TMEM123: variants seen among roughly 807,000 people sequenced by gnomAD.
TMEM123 encodes the protein porimin.
TMEM123 carries 16 observed loss-of-function variants against 19.7 expected under a neutral mutation model. That is an observed-to-expected ratio of 0.81 (90% CI 0.55 to 1.23). The LOEUF is 1.23. Ranked by LOEUF, TMEM123 falls within the 50% of genes most tolerant of loss-of-function variation. The pLI is 0.00. For synonymous variants in TMEM123, 118 were observed against 99.4 expected (o/e 1.19, Z -1.12); for missense variants, 313 against 257.8 (o/e 1.21, Z -1.47).
chr11:102,419,587 T>A (rs1952069773), intron 2 of TMEM123, among the ~76,000 whole-genome samples: 1 of 152,200 alleles, frequency 6.6e-6, no homozygotes, highest in Non-Finnish European at 1.5e-5. Context: ...TTAAACTACT[T>A]TTAAAAGTCA....
At chr11:102,439,755 G>A (rs1456397498) in intron 2 of TMEM123, among the ~76,000 whole-genome samples, 3 of 152,154 alleles carry the variant, frequency 2.0e-5, no homozygotes, top group East Asian at 1.9e-4. Context: ...AACTTCTCCC[G>A]AGCTAAAGGA....
rs148324154 is a variant in TMEM123 at position 102,398,729 on chromosome 11, CG to C, written c.*137del. On this transcript the variant is annotated 3_prime_UTR_variant, in exon 5 of 5. Coordinates refer to ENST00000398136, the MANE Select transcript of TMEM123 (RefSeq NM_052932.3). ...ACCTTGAAGAATCTTTACATATTTA[CG>C]TAATACACTGTACATTATATGCATG... is the stretch of plus-strand genomic sequence containing the variant. The C allele has an allele frequency of 0.07, 57,378 of 814,044 alleles. 2,401 individuals are homozygous for C. Among genetic ancestry groups the C allele is most frequent in the Middle Eastern group, 0.12 (477 of 4,142 alleles). 50.4% of individuals were successfully genotyped at this position (814,044 alleles called of 1,614,324 possible). A position where few individuals can be genotyped will look rare whatever the true frequency, so the allele number is the denominator to read the frequency against.
At chr11:102,429,518 T>G (rs2135856789) in intron 2 of TMEM123, among the ~76,000 whole-genome samples, 1 of 152,316 alleles carries the variant, frequency 6.6e-6, no homozygotes, top group South Asian at 2.1e-4. Context: ...TCTTTGGCAC[T>G]CTGCTAACCT....
In TMEM123 at chr11:102,396,974, C is replaced by A. The variant is rs1951861399; in HGVS notation, c.*1893G>T. ...GAATGCAGTGGACAAATTTAAAAGG[C>A]CTTCATTAGAATAAAGTATATCTTA... On this transcript the variant is annotated 3_prime_UTR_variant, in exon 5 of 5. Transcript: ENST00000398136. The A allele has an allele frequency of 1.3e-5, 2 of 151,280 alleles. 1 individual carries two copies. The highest frequency in any genetic ancestry group is 4.1e-4 in the South Asian group (2 of 4,826). The allele number at this position is 151,280 out of a possible 1,614,324, so 9.4% of individuals were successfully genotyped here. A position where few individuals can be genotyped will look rare whatever the true frequency, so the allele number is the denominator to read the frequency against.
intron 2 of TMEM123, among the ~76,000 whole-genome samples, chr11:102,429,578 G>C (rs1952158176): frequency 6.6e-6 from 1 of 152,150 alleles, no homozygotes; most frequent in African/African-American, 2.4e-5. Context: ...AAACATAAAA[G>C]CATGAATGCC....
intron 2 of TMEM123, among the ~76,000 whole-genome samples, chr11:102,429,398 G>A (rs966998823): frequency 6.6e-6 from 1 of 152,054 alleles, no homozygotes; most frequent in Non-Finnish European, 1.5e-5. Flanking sequence ...CTTTACAACA[G>A]AATGCACTTT....
intron 2 of TMEM123, among the ~76,000 whole-genome samples, chr11:102,425,583 C>A (rs112985995): frequency 9.3e-6 from 1 of 107,932 alleles, no homozygotes; most frequent in African/African-American, 3.5e-5. Context: ...TTTCTTTTTT[C>A]TTTTTTTTTT....
At chr11:102,425,885 T>C (rs1214941494) in intron 2 of TMEM123, among the ~76,000 whole-genome samples, 3 of 152,194 alleles carry the variant, frequency 2.0e-5, no homozygotes, top group Non-Finnish European at 4.4e-5. Flanking sequence ...GAGATTTTCC[T>C]AACTGAAAGT....
At chr11:102,411,046 G>C (rs1273034317) in intron 2 of TMEM123, among the ~76,000 whole-genome samples, 5 of 152,084 alleles carry the variant, frequency 3.3e-5, no homozygotes, top group Non-Finnish European at 5.9e-5. Flanking sequence ...AATGATGGGA[G>C]CGTCTTTGGT....
intron 1 of TMEM123, among the ~76,000 whole-genome samples, chr11:102,449,679 G>T (rs969371297): frequency 1.9e-4 from 29 of 152,290 alleles, no homozygotes; most frequent in African/African-American, 5.5e-4. Context: ...TATCACAAAA[G>T]GATACAGTGT....
intron 3 of TMEM123, 26 bp from the exon 4 acceptor site, chr11:102,401,718 G>A (rs1951914875): frequency 6.4e-7 from 1 of 1,559,102 alleles, no homozygotes; most frequent in African/African-American, 1.4e-5. Context: ...ACAAAAAAGG[G>A]CTTTAGCGTT....
chr11:102,446,900 T>TGCACTAAATAAATA (rs1857890355), intron 2 of TMEM123, among the ~76,000 whole-genome samples: 1 of 152,144 alleles, frequency 6.6e-6, no homozygotes, highest in Admixed American at 6.5e-5. Context: ...CCACAGAAAC[T>TGCACTAAATAAATA]GCACTAAATA....
chr11:102,448,802 T>C lies in TMEM123; in HGVS notation c.157+10A>G. The stretch of plus-strand genomic sequence containing the variant: ...ATGAAAATTTGTTTTTTTAATCTTT[T>C]AAAACTCACCTGTTGAGTTAGCACT... On this transcript the variant is annotated intron_variant, in intron 2 of 4. Transcript: ENST00000398136. 4 of 1,613,116 alleles carry C rather than the reference T, an allele frequency of 2.5e-6. No individual in the cohort carries two copies. The highest frequency in any genetic ancestry group is 3.4e-6 in the Non-Finnish European group (4 of 1,179,456).
intron 2 of TMEM123, among the ~76,000 whole-genome samples, chr11:102,434,604 A>T (rs1418213040): frequency 2.0e-5 from 3 of 151,656 alleles, no homozygotes; most frequent in African/African-American, 7.3e-5. Context: ...AATCTTGTCT[A>T]TTTTTGTTTT....
intron 2 of TMEM123, among the ~76,000 whole-genome samples, chr11:102,405,008 T>TG (rs2135843709): frequency 6.6e-6 from 1 of 152,262 alleles, no homozygotes; most frequent in East Asian, 1.9e-4. Context: ...TCTTCAACTT[T>TG]GGGTCTCTGT....
At chr11:102,419,395 C>T (rs1952065583) in intron 2 of TMEM123, among the ~76,000 whole-genome samples, 1 of 152,110 alleles carries the variant, frequency 6.6e-6, no homozygotes, top group African/African-American at 2.4e-5. Context: ...TGAAATTAAT[C>T]CAATGGTGTG....
intron 2 of TMEM123, among the ~76,000 whole-genome samples, chr11:102,425,926 A>G (rs1187482911): frequency 2.0e-5 from 3 of 152,138 alleles, no homozygotes; most frequent in Admixed American, 6.5e-5. Context: ...GCTCACTTAC[A>G]TTATCTGCAC....
chr11:102,416,480 A>G (rs1952044749), intron 2 of TMEM123, among the ~76,000 whole-genome samples: 1 of 152,176 alleles, frequency 6.6e-6, no homozygotes, highest in Admixed American at 6.5e-5. Flanking sequence ...GAAACCCTGA[A>G]CAGATCAATA....
chr11:102,408,186 T>A (rs1185671538), intron 2 of TMEM123, among the ~76,000 whole-genome samples: 1 of 152,186 alleles, frequency 6.6e-6, no homozygotes, highest in Non-Finnish European at 1.5e-5. Context: ...AGGGCTGTAA[T>A]AACACCATCC....
Sources: allele counts gnomAD v4.1 joint callset (sites outside exome capture counted in the v4.1 genomes callset), GRCh38; gene constraint gnomAD v4.1.1; transcripts MANE v1.5; gene names NCBI Gene and HGNC (gene_info 2026-07-23, HGNC 2026-07-21).